Variants in RBFOX1 observed in about 807,000 individuals in gnomAD.
RBFOX1 encodes the protein RNA binding fox-1 homolog 1.
A neutral mutation model predicts 57.7 loss-of-function variants in RBFOX1; 8 were observed. The observed-to-expected ratio is 0.14, with a 90% CI of 0.08 to 0.25. The LOEUF (loss-of-function observed/expected upper bound fraction) is 0.25. Among genes scored for constraint, RBFOX1 ranks in the 10% least tolerant of loss-of-function variants. The pLI is 1.00. For synonymous variants in RBFOX1, 326 were observed against 222.4 expected (o/e 1.47, Z -4.15); for missense variants, 611 against 548.5 (o/e 1.11, Z -1.14).
intron 3 of RBFOX1, among the ~76,000 whole-genome samples, chr16:5,826,137 C>T (rs2151815547): frequency 6.9e-6 from 1 of 145,350 alleles, no homozygotes; most frequent in Admixed American, 6.9e-5. Context: ...AATATTATTC[C>T]TTATATATAT....
intron 4 of RBFOX1, among the ~76,000 whole-genome samples, chr16:7,437,539 CAT>C (rs2098732900): frequency 1.3e-5 from 2 of 152,274 alleles, no homozygotes; most frequent in South Asian, 4.1e-4. Context: ...CCATAATCAA[CAT>C]GGGAACGGAA....
chr16:5,369,071 G>T (rs1006541117), intron 1 of RBFOX1, among the ~76,000 whole-genome samples: 2 of 152,122 alleles, frequency 1.3e-5, no homozygotes, highest in Non-Finnish European at 2.9e-5. Flanking sequence ...GCGCCATCTT[G>T]GTTCACTGCA....
intron 1 of RBFOX1, among the ~76,000 whole-genome samples, chr16:5,433,762 G>T (rs1107096): frequency 6.6e-6 from 1 of 151,738 alleles, no homozygotes; most frequent in African/African-American, 2.4e-5. Flanking sequence ...ATTCCGTAGC[G>T]TAAGGTGTCA....
chr16:5,947,706 G>A lies in RBFOX1; in HGVS notation c.351+80371G>A, dbSNP rs77526927. ...CTGCCCTTTTGAGAGAGTGGGGTTA[G>A]GGATTTCTGCACCCTTTTTACTATG... On this transcript the variant is annotated intron_variant, in intron 4 of 19. Coordinates refer to the RBFOX1 transcript ENST00000641259. This position sits in a 1 kb window ranked among gnomAD's most constrained non-coding sequence, Gnocchi z 7.2. Among the ~76,000 whole-genome samples the A allele has an allele frequency of 0.047, 7,156 of 152,244 alleles. 225 individuals carry two copies. The highest frequency in any genetic ancestry group is 0.068 in the Non-Finnish European group (4,648 of 68,028).
intron 1 of RBFOX1, among the ~76,000 whole-genome samples, chr16:6,200,975 A>G (rs1016266845): frequency 2.0e-5 from 3 of 150,230 alleles, no homozygotes; most frequent in African/African-American, 7.4e-5. Flanking sequence ...GAAATCGAGC[A>G]TGAGCAAATG....
intron 2 of RBFOX1, among the ~76,000 whole-genome samples, chr16:6,635,147 TATG>T (rs1460564980): frequency 6.8e-6 from 1 of 147,100 alleles, no homozygotes; most frequent in African/African-American, 2.5e-5. Context: ...ATTAAATGTA[TATG>T]ATATGAGTAT....
intron 4 of RBFOX1, among the ~76,000 whole-genome samples, chr16:5,994,718 A>T (rs1452277053): frequency 2.0e-5 from 3 of 152,202 alleles, no homozygotes; most frequent in Admixed American, 2.0e-4. Context: ...TTGAGAAATC[A>T]GGTGGCACGC....
In RBFOX1 at chr16:7,673,135, G is replaced by A. The variant is rs147636964; in HGVS notation, c.931-3639G>A. Among the ~76,000 whole-genome samples, 493 of 152,042 alleles carry A rather than the reference G, an allele frequency of 3.2e-3. 2 individuals carry two copies. The highest frequency in any genetic ancestry group is 0.011 in the African/African-American group (466 of 41,470). On this transcript the variant is annotated intron_variant, in intron 13 of 15. Coordinates refer to ENST00000550418, the MANE Select transcript of RBFOX1 (RefSeq NM_018723.4). The stretch of plus-strand genomic sequence containing the variant: ...ACGTACATGTTACAGTCCTACCGAC[G>A]CCCACGTCTCCCTAGCACACACAGG...
intron 3 of RBFOX1, among the ~76,000 whole-genome samples, chr16:6,876,993 G>T (rs150695415): frequency 6.6e-6 from 1 of 152,050 alleles, no homozygotes; most frequent in South Asian, 2.1e-4. Flanking sequence ...TTTTCCAGTG[G>T]AGCAACAAAT....
At chr16:7,059,115 G>A (rs1598380014) in intron 4 of RBFOX1, among the ~76,000 whole-genome samples, 1 of 152,236 alleles carries the variant, frequency 6.6e-6, no homozygotes. Flanking sequence ...TAAACCCATC[G>A]CCTTCATCTG....
chr16:7,639,930 C>G (rs757173969), intron 11 of RBFOX1, among the ~76,000 whole-genome samples: 79 of 152,152 alleles, frequency 5.2e-4, no homozygotes, highest in Non-Finnish European at 2.2e-4. Context: ...CCAGCTACCC[C>G]CCACCCACCA....
intron 4 of RBFOX1, among the ~76,000 whole-genome samples, chr16:7,179,306 G>T (rs945173366): frequency 6.6e-6 from 1 of 151,524 alleles, no homozygotes; most frequent in African/African-American, 2.4e-5. Flanking sequence ...AAGAGATTCT[G>T]TGTTCAAACA....
intron 2 of RBFOX1, among the ~76,000 whole-genome samples, chr16:6,398,265 C>T (rs150335492): frequency 4.7e-4 from 72 of 152,276 alleles, no homozygotes; most frequent in African/African-American, 1.7e-3. Flanking sequence ...GGAACTACAA[C>T]TCGAGATTTC....
chr16:6,863,714 G>A (rs2059406943), intron 3 of RBFOX1, among the ~76,000 whole-genome samples: 1 of 84,468 alleles, frequency 1.2e-5, no homozygotes, highest in South Asian at 4.0e-4. Flanking sequence ...AGCACAAATT[G>A]GATGCCTGCG....
intron 4 of RBFOX1, among the ~76,000 whole-genome samples, chr16:5,959,048 C>G (rs2059700439): frequency 2.0e-5 from 3 of 152,194 alleles, no homozygotes; most frequent in Admixed American, 2.0e-4. Flanking sequence ...ATTCTGCTGA[C>G]CACACCAGGT....
intron 2 of RBFOX1, among the ~76,000 whole-genome samples, chr16:6,611,681 C>T (rs1177640669): frequency 6.6e-6 from 1 of 152,140 alleles, no homozygotes; most frequent in African/African-American, 2.4e-5. Flanking sequence ...AAGGATGATT[C>T]CGGCTTACCT....
chr16:6,520,944 G>A (rs2096486299), intron 2 of RBFOX1, among the ~76,000 whole-genome samples: 1 of 151,610 alleles, frequency 6.6e-6, no homozygotes, highest in African/African-American at 2.4e-5. Flanking sequence ...GAGTGTAGGG[G>A]GGGAAAAAAA....
chr16:7,213,119 C>T (rs1232765330), intron 4 of RBFOX1, among the ~76,000 whole-genome samples: 1 of 152,158 alleles, frequency 6.6e-6, no homozygotes, highest in African/African-American at 2.4e-5. Context: ...AATGGAGGGA[C>T]ATAGGTTATC....
intron 1 of RBFOX1, among the ~76,000 whole-genome samples, chr16:6,161,695 C>T (rs760385451): frequency 1.3e-5 from 2 of 151,874 alleles, no homozygotes; most frequent in Admixed American, 6.6e-5. Flanking sequence ...TCTATCATGC[C>T]CAGAAAAAGT....
Sources: allele counts gnomAD v4.1 joint callset (sites outside exome capture counted in the v4.1 genomes callset), GRCh38; gene constraint gnomAD v4.1.1; non-coding constraint Gnocchi (gnomAD v3.1); transcripts MANE v1.5; gene names NCBI Gene and HGNC (gene_info 2026-07-23, HGNC 2026-07-21).